Variants in DENR observed in about 807,000 individuals in gnomAD.
DENR encodes density regulated re-initiation and release factor.
DENR carries 6 observed loss-of-function variants against 30.6 expected under a neutral mutation model. The ratio of observed to expected loss-of-function variants is 0.20; its 90% CI spans 0.11 to 0.39. The LOEUF (loss-of-function observed/expected upper bound fraction) is 0.39. Among genes scored for constraint, DENR ranks in the 10% least tolerant of loss-of-function variants. The pLI is 1.00. For missense variants in DENR, 141 were observed against 230.9 expected, an observed-to-expected ratio of 0.61 and a Z score of 2.52; for synonymous variants, 78 against 72.1, an observed-to-expected ratio of 1.08 and a Z score of -0.41.
chr12:122,762,587 G>T (rs1398558590), intron 3 of DENR, among the ~76,000 whole-genome samples: 1 of 152,206 alleles, frequency 6.6e-6, no homozygotes, highest in African/African-American at 2.4e-5. Flanking sequence ...ATGAAAATGA[G>T]GCACTTATGT....
chr12:122,755,215 G>A (rs542428265), intron 2 of DENR, among the ~76,000 whole-genome samples: 2 of 152,342 alleles, frequency 1.3e-5, no homozygotes, highest in South Asian at 4.1e-4. Flanking sequence ...TGCTTAGTTG[G>A]TGAGAAGTTT....
chr12:122,768,735 C>T (rs1444220743), intron 6 of DENR, 47 bp from the exon 7 acceptor site: 3 of 1,467,324 alleles, frequency 2.0e-6, no homozygotes, highest in Non-Finnish European at 2.7e-6. Context: ...AACATCTTTG[C>T]ACAATTCCAA....
At chr12:122,769,005 C>G in intron 7 of DENR, 29 bp from the exon 8 acceptor site, 1 of 1,609,474 alleles carries the variant, frequency 6.2e-7, no homozygotes. Context: ...AACCACAACT[C>G]ATGAGATATA....
intron 1 of DENR, 55 bp from the exon 2 acceptor site, chr12:122,753,638 C>T: frequency 7.2e-7 from 1 of 1,390,890 alleles, no homozygotes; most frequent in Non-Finnish European, 1.0e-6. Context: ...GAACACTGCT[C>T]TTCTGGGGTC....
intron 3 of DENR, 44 bp downstream of exon 3, chr12:122,762,250 A>G (rs75389155): frequency 0.054 from 68,932 of 1,287,804 alleles, 2,889 homozygotes; most frequent in East Asian, 0.26. Context: ...ATTTGAAGTT[A>G]TTCTTGGTTT....
intron 2 of DENR, among the ~76,000 whole-genome samples, chr12:122,760,895 T>TC (rs1408510641): frequency 6.6e-6 from 1 of 152,192 alleles, no homozygotes; most frequent in African/African-American, 2.4e-5. Flanking sequence ...ACTTTCATGA[T>TC]CTTATGTAGC....
chr12:122,754,177 G>A (rs1405189645), intron 2 of DENR: 4 of 261,054 alleles, frequency 1.5e-5, no homozygotes, highest in South Asian at 4.5e-5. Context: ...CAGACAAAGC[G>A]CACGACTATG....
chr12:122,754,043 A>C (rs1878484157), intron 2 of DENR: 7 of 542,672 alleles, frequency 1.3e-5, no homozygotes, highest in Non-Finnish European at 2.3e-5. Context: ...AGGATGTGCA[A>C]CTAGGTTATT....
chr12:122,764,855 C>T (rs1028182588), intron 4 of DENR, among the ~76,000 whole-genome samples: 4 of 152,212 alleles, frequency 2.6e-5, no homozygotes, highest in East Asian at 3.9e-4. Context: ...CTGGTAGCTA[C>T]TCCATCACTG....
chr12:122,756,699 T>C (rs368149534), intron 2 of DENR, among the ~76,000 whole-genome samples: 1 of 152,126 alleles, frequency 6.6e-6, no homozygotes, highest in South Asian at 2.1e-4. Context: ...TGTTACAGTT[T>C]GGTTGTATTG....
In DENR at chr12:122,753,707, T is replaced by G. The variant is rs1211672116; in HGVS notation, c.6T>G (p.Ala2=). The G allele has an allele frequency of 1.2e-6, 2 of 1,613,660 alleles. No homozygotes were observed. The highest frequency in any genetic ancestry group is 1.7e-6 in the Non-Finnish European group (2 of 1,179,658). The change falls in exon 2 of 8, where the codon GCT becomes GCG. Residue 2 remains alanine (A), a synonymous_variant. Transcript: ENST00000280557. ...CTTGCTTACAGGTTTGTGAAATGGC[T>G]GCTGACATTTCTGAATCCAGCGGGG... M[A]ADISESSGAD...
chr12:122,764,773 C>T (rs1878803525), intron 4 of DENR, among the ~76,000 whole-genome samples: 1 of 152,188 alleles, frequency 6.6e-6, no homozygotes, highest in African/African-American at 2.4e-5. Context: ...CAGTGCTGCC[C>T]CACTCATTGC....
At chr12:122,760,457 C>T (rs1437280746) in intron 2 of DENR, among the ~76,000 whole-genome samples, 2 of 152,236 alleles carry the variant, frequency 1.3e-5, no homozygotes, top group African/African-American at 2.4e-5. Context: ...AAAGGCCGGG[C>T]GCGGTGGCTC....
At chr12:122,753,924 G>T (rs566919026) in intron 2 of DENR, 117 bp downstream of exon 2, 2 of 864,750 alleles carry the variant, frequency 2.3e-6, no homozygotes, top group South Asian at 1.5e-5. Context: ...AGTTTGTACT[G>T]GGGGAGAGGA....
rs191958934 is a variant in DENR, at chr12:122,759,329, A to G, written c.107-2858A>G. The stretch of plus-strand genomic sequence containing the variant: ...AAGGTACAGTTTTCCCTTTCCAAAT[A>G]AGTAAGTGATCTGTAAAGAGAAATT... On this transcript the variant is annotated intron_variant, in intron 2 of 7. Coordinates refer to ENST00000280557, the MANE Select transcript of DENR (RefSeq NM_003677.5). 7.2e-5 allele frequency among the ~76,000 whole-genome samples: 11 copies of G among 152,362 alleles called. No individual in the cohort carries two copies. In the East Asian group the frequency reaches 1.9e-3, roughly 27 times the overall value.
At chr12:122,755,423 C>G (rs577601849) in intron 2 of DENR, among the ~76,000 whole-genome samples, 1 of 152,026 alleles carries the variant, frequency 6.6e-6, no homozygotes. Context: ...ACTAAAAATA[C>G]AAAAACTTAG....
chr12:122,760,977 G>A (rs895351682), intron 2 of DENR, among the ~76,000 whole-genome samples: 6 of 152,340 alleles, frequency 3.9e-5, no homozygotes, highest in Admixed American at 1.3e-4. Context: ...CCTGTACATA[G>A]TGGCTCACGC....
chr12:122,753,718 C>T lies in DENR; in HGVS notation c.17C>T (p.Ser6Phe). MAADISESSGADCKGD... is the reference protein window; with the variant it reads MAADIFESSGADCKGD... Reference sequence around the variant, plus strand: ...GTTTGTGAAATGGCTGCTGACATTTCTGAATCCAGCGGGGCTGACTGCAAA... The same window carrying T: ...GTTTGTGAAATGGCTGCTGACATTTTTGAATCCAGCGGGGCTGACTGCAAA... The change falls in exon 2 of 8, where the codon TCT (serine) becomes TTT (phenylalanine). Residue 6 changes from serine to phenylalanine, a missense_variant. This residue lies in a region of DENR where 104 missense variants were observed against 138.3 expected (regional missense o/e 0.75). Coordinates refer to ENST00000280557, the MANE Select transcript of DENR (RefSeq NM_003677.5). The T allele has an allele frequency of 6.2e-7, 1 of 1,613,970 alleles. No homozygotes were observed. The highest frequency in any genetic ancestry group is 8.5e-7 in the Non-Finnish European group (1 of 1,179,880).
chr12:122,759,976 A>G (rs775610886), intron 2 of DENR, among the ~76,000 whole-genome samples: 28 of 152,200 alleles, frequency 1.8e-4, no homozygotes, highest in Non-Finnish European at 3.1e-4. Context: ...TTCTTCTGCC[A>G]CATACCACCT....
Sources: gnomAD v4.1 joint callset for allele counts (sites outside exome capture counted in the v4.1 genomes callset) on GRCh38, gnomAD v4.1.1 for gene constraint, gnomAD v4.1.1 regional missense constraint, MANE v1.5 for transcripts, NCBI Gene and HGNC (gene_info 2026-07-23, HGNC 2026-07-21) for gene names.